OSBPL8: variants seen among roughly 807,000 people sequenced by gnomAD.
OSBPL8 encodes the protein oxysterol-binding protein-related protein 8.
OSBPL8 carries 59 observed loss-of-function variants against 125.5 expected under a neutral mutation model. The ratio of observed to expected loss-of-function variants is 0.47; its 90% CI spans 0.38 to 0.58. OSBPL8 has a LOEUF of 0.58. Ranked by LOEUF, OSBPL8 falls within the 20% of genes least tolerant of loss-of-function variation. OSBPL8 has a pLI of 0.00. For synonymous variants in OSBPL8, 330 were observed against 338.9 expected (o/e 0.97, Z 0.29); for missense variants, 758 against 1,047.8 (o/e 0.72, Z 3.82).
At chr12:76,361,663 T>C (rs1377384546) in intron 21 of OSBPL8, among the ~76,000 whole-genome samples, 2 of 152,166 alleles carry the variant, frequency 1.3e-5, no homozygotes, top group African/African-American at 4.8e-5. Context: ...TCTATAATCA[T>C]GGCAGAGGGT....
chr12:76,504,831 A>C (rs1880254971), intron 1 of OSBPL8, among the ~76,000 whole-genome samples: 1 of 152,182 alleles, frequency 6.6e-6, no homozygotes, highest in South Asian at 2.1e-4. Flanking sequence ...ATTACTCCTG[A>C]AATAACATTA....
chr12:76,492,614 G>A (rs1878838406), intron 1 of OSBPL8, among the ~76,000 whole-genome samples: 2 of 152,118 alleles, frequency 1.3e-5, no homozygotes, highest in African/African-American at 2.4e-5. Flanking sequence ...GATTCTCATA[G>A]GAGCATGAAC....
At chr12:76,421,693 C>A (rs1731132999) in intron 4 of OSBPL8, among the ~76,000 whole-genome samples, 1 of 151,848 alleles carries the variant, frequency 6.6e-6, no homozygotes, top group Non-Finnish European at 1.5e-5. Flanking sequence ...TTAAATAGTA[C>A]TTTTATTTTA....
chr12:76,485,467 G>A (rs1043955749), intron 2 of OSBPL8, among the ~76,000 whole-genome samples: 1 of 152,032 alleles, frequency 6.6e-6, no homozygotes, highest in African/African-American at 2.4e-5. Context: ...CAGCTACTCA[G>A]GAGGCTGAGG....
intron 3 of OSBPL8, among the ~76,000 whole-genome samples, chr12:76,451,601 T>C (rs1873423292): frequency 6.6e-6 from 1 of 152,184 alleles, no homozygotes; most frequent in Admixed American, 6.5e-5. Flanking sequence ...CCAAAGTCTG[T>C]CTCTTAAAGC....
chr12:76,386,400 A>G (rs1953315490), intron 13 of OSBPL8, 134 bp from the exon 14 acceptor site: 2 of 1,325,526 alleles, frequency 1.5e-6, no homozygotes, highest in Non-Finnish European at 2.0e-6. Context: ...TAAAATTTAC[A>G]TTAAATAAAA....
At chr12:76,505,100 A>C (rs966732754) in intron 1 of OSBPL8, among the ~76,000 whole-genome samples, 3 of 152,164 alleles carry the variant, frequency 2.0e-5, no homozygotes, top group Non-Finnish European at 4.4e-5. Context: ...GTACTAATAC[A>C]ACTCCAGTCT....
chr12:76,378,686 C>T (rs528804559), intron 15 of OSBPL8, 136 bp from the exon 16 acceptor site: 57 of 622,216 alleles, frequency 9.2e-5, no homozygotes, highest in South Asian at 2.2e-4. Context: ...TGTGCCCAAA[C>T]ATGTATTCAT....
At chr12:76,464,461 A>G (rs1875144777) in intron 2 of OSBPL8, among the ~76,000 whole-genome samples, 1 of 152,238 alleles carries the variant, frequency 6.6e-6, no homozygotes, top group East Asian at 1.9e-4. Flanking sequence ...AAATATTTAT[A>G]GCCATTACCC....
chr12:76,496,103 T>C (rs1015582996), intron 1 of OSBPL8, among the ~76,000 whole-genome samples: 1 of 152,182 alleles, frequency 6.6e-6, no homozygotes, highest in African/African-American at 2.4e-5. Flanking sequence ...AACTTTCGTC[T>C]TTTTTTAACG....
At chr12:76,531,274 A>C (rs752621508) in intron 1 of OSBPL8, among the ~76,000 whole-genome samples, 4 of 152,202 alleles carry the variant, frequency 2.6e-5, no homozygotes, top group Non-Finnish European at 5.9e-5. Flanking sequence ...TAAAACAAGC[A>C]CAAAGAAAAA....
intron 9 of OSBPL8, among the ~76,000 whole-genome samples, chr12:76,394,184 T>G (rs1953694540): frequency 6.6e-6 from 1 of 152,156 alleles, no homozygotes; most frequent in South Asian, 2.1e-4. Flanking sequence ...TTGATATCAT[T>G]TAAGTTTTTC....
intron 1 of OSBPL8, among the ~76,000 whole-genome samples, chr12:76,513,617 T>C (rs1047707065): frequency 2.0e-5 from 3 of 152,148 alleles, no homozygotes; most frequent in African/African-American, 7.2e-5. Flanking sequence ...CTGTGTTGGG[T>C]GCATATAAAT....
intron 1 of OSBPL8, among the ~76,000 whole-genome samples, chr12:76,537,684 G>A (rs1363504872): frequency 1.3e-5 from 2 of 152,024 alleles, no homozygotes; most frequent in African/African-American, 4.8e-5. Flanking sequence ...TGAGGCAGGT[G>A]GATAACTTAA....
intron 4 of OSBPL8, among the ~76,000 whole-genome samples, chr12:76,438,133 C>T (rs1460309821): frequency 1.3e-5 from 2 of 151,214 alleles, no homozygotes; most frequent in Non-Finnish European, 2.9e-5. Context: ...ACTACAGGCA[C>T]GCACCACCAC....
chr12:76,444,870 CT>C (rs1872575087), intron 4 of OSBPL8, among the ~76,000 whole-genome samples: 1 of 152,084 alleles, frequency 6.6e-6, no homozygotes, highest in East Asian at 1.9e-4. Context: ...AAGCCACTGC[CT>C]TTTTGAGAAT....
At chr12:76,472,427 T>C (rs1458996322) in intron 2 of OSBPL8, among the ~76,000 whole-genome samples, 1 of 152,056 alleles carries the variant, frequency 6.6e-6, no homozygotes, top group Non-Finnish European at 1.5e-5. Context: ...AGACAAGATA[T>C]TGTAGAAATA....
Position 76,355,058 on chromosome 12 carries a change from C to T in OSBPL8, c.*831G>A, listed in dbSNP as rs188435980. 1.7e-3 allele frequency: 257 copies of T among 152,376 alleles called. 1 individual carries two copies. The highest frequency in any genetic ancestry group is 6.1e-3 in the African/African-American group (251 of 41,482). The allele number at this position is 152,376 out of a possible 1,614,324, so 9.4% of individuals were successfully genotyped here. ...TCTATAAACATCTCTAGAATTTGGCCTATGTTATGAACCAGCTGACTTAAG... is the reference window on the plus strand; with the variant it reads ...TCTATAAACATCTCTAGAATTTGGCTTATGTTATGAACCAGCTGACTTAAG... On this transcript the variant is annotated 3_prime_UTR_variant, in exon 24 of 24. Transcript: ENST00000261183.
intron 1 of OSBPL8, among the ~76,000 whole-genome samples, chr12:76,541,078 C>G (rs530146605): frequency 6.6e-6 from 1 of 152,334 alleles, no homozygotes; most frequent in East Asian, 1.9e-4. Context: ...CCCAGCTTCT[C>G]TAAGACACAT....
Sources: gnomAD v4.1 joint callset for allele counts (sites outside exome capture counted in the v4.1 genomes callset) on GRCh38, gnomAD v4.1.1 for gene constraint, MANE v1.5 for transcripts, NCBI Gene and HGNC (gene_info 2026-07-23, HGNC 2026-07-21) for gene names.